The following KLHDC10 variants were observed in gnomAD, a reference collection of about 807,000 sequenced individuals.
The protein encoded by KLHDC10 is kelch domain-containing protein 10.
Under a neutral mutation model 56.1 loss-of-function variants are expected in KLHDC10, and 24 were observed. The observed-to-expected ratio is 0.43, with a 90% CI of 0.31 to 0.60. The LOEUF (loss-of-function observed/expected upper bound fraction) is 0.60, where lower values mean the gene tolerates loss of function less well. Ranked by LOEUF, KLHDC10 falls within the 20% of genes least tolerant of loss-of-function variation. KLHDC10 has a pLI of 0.11. For synonymous variants in KLHDC10, 188 were observed against 207.1 expected, an observed-to-expected ratio of 0.91 and a Z score of 0.79; for missense variants, 349 against 567.0, an observed-to-expected ratio of 0.62 and a Z score of 3.91.
At position 130,087,470 on chromosome 7, in the gene KLHDC10, G is replaced by A. The variant is rs945510181; in HGVS notation, c.167-9451G>A. On this transcript the variant is annotated intron_variant, in intron 1 of 9. Transcript: ENST00000335420. ...TTATCTAGGATGTGAGCATTAAAGC[G>A]TCATAAGGCATAATAAGACTAGATA... 4.6e-5 allele frequency among the ~76,000 whole-genome samples: 7 copies of A among 151,990 alleles called. No homozygotes were observed. The South Asian group carries it at 6.2e-4, about 14-fold the overall frequency.
intron 2 of KLHDC10, among the ~76,000 whole-genome samples, chr7:130,112,108 C>T (rs1180586387): frequency 6.6e-6 from 1 of 152,078 alleles, no homozygotes. Flanking sequence ...ATTCTACCTC[C>T]AGAAATTCTC....
At chr7:130,096,874 C>T in intron 1 of KLHDC10, 47 bp from the exon 2 acceptor site, 2 of 1,289,128 alleles carry the variant, frequency 1.6e-6, no homozygotes, top group Non-Finnish European at 1.1e-6. Flanking sequence ...GTATTATTTG[C>T]AATGTGTTGT....
At chr7:130,119,512 T>TAAAA (rs1796217517) in intron 3 of KLHDC10, among the ~76,000 whole-genome samples, 1 of 118,422 alleles carries the variant, frequency 8.4e-6, no homozygotes. Flanking sequence ...ACCCTGCCTT[T>TAAAA]CAAACAAACA....
At chr7:130,098,750 A>G (rs1795887747) in intron 2 of KLHDC10, among the ~76,000 whole-genome samples, 1 of 151,944 alleles carries the variant, frequency 6.6e-6, no homozygotes, top group Non-Finnish European at 1.5e-5. Context: ...ATAATTCAAC[A>G]TAATAATGAT....
intron 5 of KLHDC10, 45 bp downstream of exon 5, chr7:130,122,247 T>C: frequency 6.3e-7 from 1 of 1,592,430 alleles, no homozygotes; most frequent in Non-Finnish European, 8.6e-7. Flanking sequence ...CGTGCTAACA[T>C]TTGACCTCTT....
intron 2 of KLHDC10, among the ~76,000 whole-genome samples, chr7:130,100,312 T>C (rs1795912403): frequency 6.6e-6 from 1 of 152,180 alleles, no homozygotes; most frequent in Non-Finnish European, 1.5e-5. Flanking sequence ...TTTGTTCTGA[T>C]GGCACCCTCC....
chr7:130,088,428 C>T (rs1262335354), intron 1 of KLHDC10, among the ~76,000 whole-genome samples: 1 of 151,450 alleles, frequency 6.6e-6, no homozygotes, highest in African/African-American at 2.4e-5. Flanking sequence ...GCTCGCACCA[C>T]CACGCCTGGC....
In KLHDC10 at chr7:130,097,791, A is replaced by G. The variant is rs971746999; in HGVS notation, c.253+784A>G. On this transcript the variant is annotated intron_variant, in intron 2 of 9. Transcript: ENST00000335420. ...TATTAAAAACCTTAGAAATATTCAT[A>G]CCCTTTGACCTAGCAGTTTTTACTT... is the stretch of plus-strand genomic sequence containing the variant. Among the ~76,000 whole-genome samples, 10 of 152,254 alleles carry G rather than the reference A, an allele frequency of 6.6e-5. No individual in the cohort carries two copies. The East Asian group carries it at 1.5e-3, about 23-fold the overall frequency.
At chr7:130,104,860 G>A (rs6467280) in intron 2 of KLHDC10, among the ~76,000 whole-genome samples, 126,655 of 152,176 alleles carry the variant, frequency 0.83, 52,924 homozygotes, top group Non-Finnish European at 0.87. Context: ...CTTCGTCCCC[G>A]TGATCCAGTC....
In KLHDC10 at chr7:130,116,431, C is replaced by G. The variant is rs1276442451; in HGVS notation, c.254-14C>G. On this transcript the variant is annotated splice_polypyrimidine_tract_variant and intron_variant, in intron 2 of 9. Transcript: ENST00000335420. This position sits in a 1 kb window ranked among gnomAD's most constrained non-coding sequence, Gnocchi z 4.8. ...GGTAGGACACCTGTGGAAAACTGTC[C>G]TCTTCTCTCCTAGGCCACAGACCTC... 1 of 1,605,500 alleles carries G rather than the reference C, an allele frequency of 6.2e-7. No individual in the cohort carries two copies. Among genetic ancestry groups the G allele is most frequent in the Non-Finnish European group, 8.5e-7 (1 of 1,175,028 alleles).
intron 1 of KLHDC10, among the ~76,000 whole-genome samples, chr7:130,096,636 G>A (rs1428602138): frequency 6.6e-6 from 1 of 152,098 alleles, no homozygotes; most frequent in Non-Finnish European, 1.5e-5. Flanking sequence ...GCCACAAGAT[G>A]GCATTGGTGA....
rs1796414360 is a variant in KLHDC10 at position 130,132,442 on chromosome 7, C to T, written c.*1696C>T. 6.6e-6 allele frequency: 1 copy of T among 152,176 alleles called. No homozygotes were observed. The highest frequency in any genetic ancestry group is 1.5e-5 in the Non-Finnish European group (1 of 68,042). 9.4% of individuals were successfully genotyped at this position (152,176 alleles called of 1,614,324 possible). ...GAGAAAACCGTAGCCTCCAGACATG[C>T]TCCTGATTTCTAGGCCTTATCATAC... On this transcript the variant is annotated 3_prime_UTR_variant, in exon 10 of 10. Transcript: ENST00000335420.
At chr7:130,108,465 G>A (rs765063107) in intron 2 of KLHDC10, among the ~76,000 whole-genome samples, 4 of 151,704 alleles carry the variant, frequency 2.6e-5, no homozygotes, top group Non-Finnish European at 5.9e-5. Flanking sequence ...CACTGTGGGA[G>A]GCCGAGGCAG....
chr7:130,126,335 T>G (rs566193505), intron 7 of KLHDC10, among the ~76,000 whole-genome samples: 58 of 152,094 alleles, frequency 3.8e-4, no homozygotes, highest in Non-Finnish European at 6.3e-4. Context: ...AAGAAAAATC[T>G]GTTGAACTGG....
intron 8 of KLHDC10, 133 bp downstream of exon 8, chr7:130,127,584 G>A: frequency 3.1e-6 from 2 of 648,082 alleles, no homozygotes; most frequent in South Asian, 2.0e-5. Flanking sequence ...AACTTAAAGG[G>A]AAATTCATAG....
chr7:130,116,737 C>A lies in KLHDC10; in HGVS notation c.475+71C>A, dbSNP rs1796173915. The A allele has an allele frequency of 4.9e-6, 6 of 1,216,722 alleles. No homozygotes were observed. In the South Asian group the frequency reaches 7.3e-5, roughly 15 times the overall value. The allele number at this position is 1,216,722 out of a possible 1,614,324, so 75.4% of individuals were successfully genotyped here. A position where few individuals can be genotyped will look rare whatever the true frequency, so the allele number is the denominator to read the frequency against. On this transcript the variant is annotated intron_variant, in intron 3 of 9. Transcript: ENST00000335420. The surrounding 1 kb of genome is among the most constrained non-coding windows in gnomAD (Gnocchi z 4.8). ...GAAGCCAGGTTCAATGTCCCATATT[C>A]CTCATTAATAATTTATAACACTATA...
chr7:130,084,103 T>C (rs532332674), intron 1 of KLHDC10, among the ~76,000 whole-genome samples: 2 of 152,330 alleles, frequency 1.3e-5, no homozygotes, highest in African/African-American at 4.8e-5. Flanking sequence ...TTGAGGGCCA[T>C]TTCCTTGCTT....
chr7:130,115,601 G>T (rs1450063264), intron 2 of KLHDC10, among the ~76,000 whole-genome samples: 1 of 150,644 alleles, frequency 6.6e-6, no homozygotes, highest in Non-Finnish European at 1.5e-5. Context: ...TATAATCCCA[G>T]CTACTTGGGA....
Position 130,133,682 on chromosome 7 carries a change from G to A in KLHDC10, c.*2936G>A, listed in dbSNP as rs980826225. Reference sequence around the variant, plus strand: ...CTCATGTTTGCATGTCTTACATTTTGTTGCCGGAGAACAAGGAAGTCCATC... The same window carrying A: ...CTCATGTTTGCATGTCTTACATTTTATTGCCGGAGAACAAGGAAGTCCATC... On this transcript the variant is annotated 3_prime_UTR_variant, in exon 10 of 10. Coordinates refer to ENST00000335420, the MANE Select transcript of KLHDC10 (RefSeq NM_014997.4). The A allele has an allele frequency of 6.6e-6, 1 of 152,010 alleles. No individual in the cohort carries two copies. The highest frequency in any genetic ancestry group is 2.4e-5 in the African/African-American group (1 of 41,364). The allele number at this position is 152,010 out of a possible 1,614,324, so 9.4% of individuals were successfully genotyped here. A position where few individuals can be genotyped will look rare whatever the true frequency, so the allele number is the denominator to read the frequency against.
Sources: gnomAD v4.1 joint callset for allele counts (sites outside exome capture counted in the v4.1 genomes callset) on GRCh38, gnomAD v4.1.1 for gene constraint, Gnocchi (gnomAD v3.1) non-coding constraint, MANE v1.5 for transcripts, NCBI Gene and HGNC (gene_info 2026-07-23, HGNC 2026-07-21) for gene names.